The following SLC25A38 variants were observed in gnomAD, a reference collection of about 807,000 sequenced individuals.
The protein encoded by SLC25A38 is solute carrier family 25 member 38, also known as mitochondrial glycine transporter.
SLC25A38 carries 27 observed loss-of-function variants against 33.4 expected under a neutral mutation model. The ratio of observed to expected loss-of-function variants is 0.81; its 90% CI spans 0.60 to 1.11. The LOEUF (loss-of-function observed/expected upper bound fraction) is 1.11. Ranked by LOEUF, SLC25A38 falls within the 50% of genes most tolerant of loss-of-function variation. The probability of loss-of-function intolerance (pLI) is 0.00; values close to 1 mark genes in which losing one functional copy is unlikely to be tolerated. For synonymous variants in SLC25A38, 123 were observed against 145.9 expected, an observed-to-expected ratio of 0.84 and a Z score of 1.13; for missense variants, 344 against 388.8, an observed-to-expected ratio of 0.88 and a Z score of 0.97.
rs146521988 is a variant in SLC25A38 at position 39,395,754 on chromosome 3, A to C, written c.793-644A>C. On this transcript the variant is annotated intron_variant, in intron 6 of 6. Coordinates refer to ENST00000650617, the MANE Select transcript of SLC25A38 (RefSeq NM_017875.4). ...CTGGATCCAGGATCCAGGGTTTGGC[A>C]AGCAGGTTTCTGCCTGGATTTCATC... Among the ~76,000 whole-genome samples the C allele has an allele frequency of 1.2e-3, 188 of 152,046 alleles. No individual in the cohort carries two copies. The East Asian group carries it at 0.027, about 22-fold the overall frequency.
In SLC25A38 at chr3:39,396,559, G is replaced by A; in HGVS notation, c.*39G>A. The A allele has an allele frequency of 6.2e-7, 1 of 1,613,560 alleles. No homozygotes were observed. Among genetic ancestry groups the A allele is most frequent in the Non-Finnish European group, 8.5e-7 (1 of 1,179,932 alleles). On this transcript the variant is annotated 3_prime_UTR_variant, in exon 7 of 7. Coordinates refer to ENST00000650617, the MANE Select transcript of SLC25A38 (RefSeq NM_017875.4). ...GGGAACGGGTGAAATCTGTTGCCCT[G>A]CTTGGTTTCTGCCAAGGGCTGCTGC... is the stretch of plus-strand genomic sequence containing the variant.
chr3:39,396,467 A>G lies in SLC25A38; in HGVS notation c.862A>G (p.Met288Val), dbSNP rs760807661. The G allele has an allele frequency of 5.6e-6, 9 of 1,614,090 alleles. No homozygotes were observed. The highest frequency in any genetic ancestry group is 1.6e-4 in the Middle Eastern group (1 of 6,062). The change falls in exon 7 of 7, where the codon ATG becomes GTG. Residue 288 changes from methionine (M) to valine (V), a missense_variant. Met to Val is a conservative substitution (Grantham distance 21, BLOSUM62 1). Transcript: ENST00000650617. ...CCTCCGCAGAACTCTAATGGCAGCA[A>G]TGGCGTGGACGGTGTATGAAGAGAT... Reference protein sequence around the residue: ...RALRRTLMAAMAWTVYEEMMA... With the variant: ...RALRRTLMAAVAWTVYEEMMA...
At position 39,396,866 on chromosome 3, in the gene SLC25A38, G is replaced by A; in HGVS notation, c.*346G>A. The A allele has an allele frequency of 2.8e-6, 1 of 359,760 alleles. No homozygotes were observed. Among genetic ancestry groups the A allele is most frequent in the Non-Finnish European group, 5.4e-6 (1 of 185,384 alleles). 22.3% of individuals were successfully genotyped at this position (359,760 alleles called of 1,614,324 possible). On this transcript the variant is annotated 3_prime_UTR_variant, in exon 7 of 7. Coordinates refer to ENST00000650617, the MANE Select transcript of SLC25A38 (RefSeq NM_017875.4). ...TACACCACAGGGTCTCCTTGGGTAT[G>A]TTCTTGGGCAAGCAATCACAAAGCC...
chr3:39,383,487 G>T lies in SLC25A38; in HGVS notation c.-238G>T. On this transcript the variant is annotated 5_prime_UTR_variant, in exon 1 of 7. Transcript: ENST00000650617. ...GCAGAGCCGCGGAGTCTGCGGCGCGGGTGAAGAGCGGCGCGTAATTCCCGC... is the reference window on the plus strand; with the variant it reads ...GCAGAGCCGCGGAGTCTGCGGCGCGTGTGAAGAGCGGCGCGTAATTCCCGC... The T allele has an allele frequency of 1.8e-6, 1 of 569,008 alleles. No individual in the cohort carries two copies. Among genetic ancestry groups the T allele is most frequent in the Non-Finnish European group, 3.2e-6 (1 of 316,840 alleles). 35.2% of individuals were successfully genotyped at this position (569,008 alleles called of 1,614,324 possible).
intron 1 of SLC25A38, among the ~76,000 whole-genome samples, chr3:39,386,485 G>T (rs2041709121): frequency 6.6e-6 from 1 of 152,090 alleles, no homozygotes; most frequent in African/African-American, 2.4e-5. Flanking sequence ...GAGGTGGGAG[G>T]ATCACCTGAG....
Position 39,396,470 on chromosome 3 carries a change from G to T in SLC25A38, c.865G>T (p.Ala289Ser), listed in dbSNP as rs1294004451. The change falls in exon 7 of 7, where the codon GCG becomes TCG. Residue 289 changes from alanine (A) to serine (S), a missense_variant. Coordinates refer to ENST00000650617, the MANE Select transcript of SLC25A38 (RefSeq NM_017875.4). Reference sequence around the variant, plus strand: ...CCGCAGAACTCTAATGGCAGCAATGGCGTGGACGGTGTATGAAGAGATGAT... The same window carrying T: ...CCGCAGAACTCTAATGGCAGCAATGTCGTGGACGGTGTATGAAGAGATGAT... ...ALRRTLMAAM[A>S]WTVYEEMMAK... 1.2e-6 allele frequency: 2 copies of T among 1,614,096 alleles called. No homozygotes were observed. The highest frequency in any genetic ancestry group is 1.7e-6 in the Non-Finnish European group (2 of 1,180,020).
chr3:39,384,496 T>C (rs1575240821), intron 1 of SLC25A38: 1 of 386,524 alleles, frequency 2.6e-6, no homozygotes. Context: ...GCGCCCGAGG[T>C]AGGGGCGGCT....
intron 6 of SLC25A38, 83 bp downstream of exon 6, chr3:39,394,659 T>A: frequency 6.6e-7 from 1 of 1,518,284 alleles, no homozygotes; most frequent in Non-Finnish European, 9.0e-7. Flanking sequence ...TCACTCACAT[T>A]AAAATTGCCT....
intron 5 of SLC25A38, 55 bp downstream of exon 5, chr3:39,392,076 C>T: frequency 6.2e-7 from 1 of 1,602,618 alleles, no homozygotes; most frequent in Non-Finnish European, 8.5e-7. Context: ...CAGATCCTCA[C>T]CATTTTCTCT....
chr3:39,385,139 G>A (rs2041696025), intron 1 of SLC25A38, among the ~76,000 whole-genome samples: 1 of 152,122 alleles, frequency 6.6e-6, no homozygotes, highest in Non-Finnish European at 1.5e-5. Flanking sequence ...ACTCGCAAAG[G>A]ATGTGTGCCA....
intron 5 of SLC25A38, 69 bp from the exon 6 acceptor site, chr3:39,394,341 C>A: frequency 6.3e-7 from 1 of 1,595,538 alleles, no homozygotes; most frequent in Non-Finnish European, 8.6e-7. Context: ...AATTGGTGGG[C>A]AACTTGCACT....
intron 6 of SLC25A38, among the ~76,000 whole-genome samples, chr3:39,394,970 A>T (rs964820055): frequency 2.0e-5 from 3 of 151,820 alleles, no homozygotes; most frequent in Non-Finnish European, 4.4e-5. Flanking sequence ...GGGAAAAAAA[A>T]AACCCACACA....
At chr3:39,396,330 G>GTACC in intron 6 of SLC25A38, 68 bp from the exon 7 acceptor site, 1 of 1,611,256 alleles carries the variant, frequency 6.2e-7, no homozygotes, top group Non-Finnish European at 8.5e-7. Flanking sequence ...CCTCACTGTG[G>GTACC]TACCAAGTGG....
In SLC25A38 at chr3:39,389,139, G is replaced by A. The variant is rs2041733811; in HGVS notation, c.70-356G>A. 6.6e-6 allele frequency among the ~76,000 whole-genome samples: 1 copy of A among 152,184 alleles called. No individual in the cohort carries two copies. On this transcript the variant is annotated intron_variant, in intron 1 of 6. Coordinates refer to ENST00000650617, the MANE Select transcript of SLC25A38 (RefSeq NM_017875.4). This position sits in a 1 kb window ranked among gnomAD's most constrained non-coding sequence, Gnocchi z 4.5. The stretch of plus-strand genomic sequence containing the variant: ...ATCATCAGTTCAAAGTGAAAGCACT[G>A]CATTCAATTGACTTTGCTTTTGCAA...
chr3:39,394,630 GAGCAGT>G, intron 6 of SLC25A38, 54 bp downstream of exon 6: 5 of 1,601,450 alleles, frequency 3.1e-6, no homozygotes, highest in Non-Finnish European at 3.4e-6. Context: ...TCTCTTTCTA[GAGCAGT>G]AGTTCTTACC....
At chr3:39,386,008 G>C (rs1337577998) in intron 1 of SLC25A38, among the ~76,000 whole-genome samples, 1 of 152,160 alleles carries the variant, frequency 6.6e-6, no homozygotes, top group Non-Finnish European at 1.5e-5. Context: ...ATACATGAAA[G>C]GCCCTGCAAC....
intron 5 of SLC25A38, 85 bp from the exon 6 acceptor site, chr3:39,394,325 G>A: frequency 6.5e-7 from 1 of 1,547,460 alleles, no homozygotes; most frequent in South Asian, 1.1e-5. Flanking sequence ...TCTTGGTTTG[G>A]GGAAGAATTG....
At position 39,389,501 on chromosome 3, in the gene SLC25A38, C is replaced by A. The variant is rs1297724673; in HGVS notation, c.76C>A (p.Pro26Thr). 6.2e-7 allele frequency: 1 copy of A among 1,614,196 alleles called. No homozygotes were observed. Among genetic ancestry groups the A allele is most frequent in the Admixed American group, 1.7e-5 (1 of 60,034 alleles). ...GDTVETLMLH[P>T]VIKAFLCGSI... The stretch of plus-strand genomic sequence containing the variant: ...ATATTGTCTTATCCTGCAGTTACAT[C>A]CGGTGATCAAGGCTTTCCTGTGTGG... Residue 26 changes from proline (P) to threonine (T), a missense_variant, in exon 2 of 7, where the codon CCG (proline) becomes ACG (threonine). This residue lies in a region of SLC25A38 where 269 missense variants were observed against 271.8 expected (regional missense o/e 0.99). Transcript: ENST00000650617. The surrounding 1 kb of genome is among the most constrained non-coding windows in gnomAD (Gnocchi z 4.5).
At chr3:39,386,338 T>C (rs1226059113) in intron 1 of SLC25A38, among the ~76,000 whole-genome samples, 1 of 152,154 alleles carries the variant, frequency 6.6e-6, no homozygotes, top group Non-Finnish European at 1.5e-5. Flanking sequence ...GCTAACACTT[T>C]GGGAGGCAGA....
Sources: gnomAD v4.1 joint callset for allele counts (sites outside exome capture counted in the v4.1 genomes callset) on GRCh38, gnomAD v4.1.1 for gene constraint, gnomAD v4.1.1 regional missense constraint, Gnocchi (gnomAD v3.1) non-coding constraint, MANE v1.5 for transcripts, NCBI Gene and HGNC (gene_info 2026-07-23, HGNC 2026-07-21) for gene names.